Variants in SGCD observed in about 807,000 individuals in gnomAD.
The protein encoded by SGCD is delta-sarcoglycan.
In SGCD, 18 loss-of-function variants were observed where a neutral mutation model predicts 36.6. That is an observed-to-expected ratio of 0.49 (90% CI 0.34 to 0.73). The LOEUF is 0.73. Among genes scored for constraint, SGCD ranks in the 30% least tolerant of loss-of-function variants. SGCD has a pLI of 0.01. For missense variants in SGCD, 387 were observed against 346.7 expected (o/e 1.12, Z -0.92); for synonymous variants, 133 against 130.6 (o/e 1.02, Z -0.12).
At chr5:156,378,991 A>G (rs1770828491) in intron 3 of SGCD, among the ~76,000 whole-genome samples, 1 of 152,166 alleles carries the variant, frequency 6.6e-6, no homozygotes, top group South Asian at 2.1e-4. Context: ...CCATGTGCTA[A>G]ATGTTTGCAT....
chr5:155,981,215 C>T (rs1196226503), intron 1 of SGCD, among the ~76,000 whole-genome samples: 4 of 152,074 alleles, frequency 2.6e-5, no homozygotes, highest in African/African-American at 7.2e-5. Context: ...GGACAAAGCT[C>T]GTGGCTCAGT....
chr5:156,024,955 C>A (rs1426791047), intron 1 of SGCD, among the ~76,000 whole-genome samples: 2 of 119,584 alleles, frequency 1.7e-5, no homozygotes, highest in Admixed American at 1.6e-4. Context: ...GAGACTCCAT[C>A]TCAAAAAAAA....
At chr5:156,501,084 G>A (rs1756425853) in intron 3 of SGCD, among the ~76,000 whole-genome samples, 1 of 152,160 alleles carries the variant, frequency 6.6e-6, no homozygotes, top group Non-Finnish European at 1.5e-5. Flanking sequence ...GAGTGCTACA[G>A]CCATTTCCTT....
At position 156,081,395 on chromosome 5, in the gene SGCD, G is replaced by A. The variant is rs150270419; in HGVS notation, c.-281-36483G>A. ...GGTGTAGACATATATTCAAACCATA[G>A]CACTTTTTTTTTCTTTGAGACAGGG... On this transcript the variant is annotated intron_variant, in intron 1 of 9. Coordinates refer to the SGCD transcript ENST00000517913. Among the ~76,000 whole-genome samples, 24 of 152,144 alleles carry A rather than the reference G, an allele frequency of 1.6e-4. No homozygotes were observed. In the East Asian group the frequency reaches 4.5e-3, roughly 28 times the overall value.
chr5:156,190,090 T>C lies in SGCD; in HGVS notation c.-44+66071T>C, dbSNP rs566215469. Among the ~76,000 whole-genome samples the C allele has an allele frequency of 1.8e-4, 28 of 152,248 alleles. No individual in the cohort carries two copies. The South Asian group carries it at 4.4e-3, about 24-fold the overall frequency. ...TTGCATTCTGTTACCTAGAGTGGAA[T>C]TGGGTGTGTACAGCATTGCATGGGC... On this transcript the variant is annotated intron_variant, in intron 3 of 9. Transcript: ENST00000517913.
intron 3 of SGCD, among the ~76,000 whole-genome samples, chr5:156,352,861 A>G (rs1415812175): frequency 6.6e-6 from 1 of 152,176 alleles, no homozygotes; most frequent in Admixed American, 6.5e-5. Flanking sequence ...GATGGGTTGC[A>G]GGGAGTCTGG....
At chr5:156,146,810 G>A (rs980274266) in intron 3 of SGCD, among the ~76,000 whole-genome samples, 1 of 152,218 alleles carries the variant, frequency 6.6e-6, no homozygotes, top group East Asian at 1.9e-4. Flanking sequence ...GGAAGCCCAG[G>A]TAGGGAGGGT....
intron 1 of SGCD, among the ~76,000 whole-genome samples, chr5:155,923,965 A>T (rs1489834651): frequency 6.6e-6 from 1 of 152,164 alleles, no homozygotes; most frequent in Non-Finnish European, 1.5e-5. Context: ...TAGATGTAAA[A>T]TAGGTCCATA....
At position 156,766,102 on chromosome 5, in the gene SGCD, ACTC is replaced by A. The variant is rs1454973373; in HGVS notation, c.*6713_*6715del. 2.6e-5 allele frequency: 4 copies of A among 151,936 alleles called. No individual in the cohort carries two copies. Among genetic ancestry groups the A allele is most frequent in the African/African-American group, 9.7e-5 (4 of 41,370 alleles). 9.4% of individuals were successfully genotyped at this position (151,936 alleles called of 1,614,324 possible). On this transcript the variant is annotated 3_prime_UTR_variant, in exon 9 of 9. Transcript: ENST00000337851. ...CTCACATTTAGGAAAAAATTGTAAT[ACTC>A]AGTTATCTGTGTGTGTGGCTAAACA... is the stretch of plus-strand genomic sequence containing the variant.
At chr5:155,855,553 G>A in the SGCD span, among the ~76,000 whole-genome samples, 4 of 152,162 alleles carry the variant, frequency 2.6e-5, no homozygotes, top group Non-Finnish European at 5.9e-5. Flanking sequence ...GAACTTGCTT[G>A]ATATATCATT....
chr5:156,481,178 C>A (rs1251654624), intron 3 of SGCD, among the ~76,000 whole-genome samples: 3 of 152,202 alleles, frequency 2.0e-5, no homozygotes, highest in South Asian at 2.1e-4. Flanking sequence ...ATTATCTCAC[C>A]TAGAATATTG....
At chr5:156,638,513 G>A (rs1432435050) in intron 6 of SGCD, among the ~76,000 whole-genome samples, 1 of 152,140 alleles carries the variant, frequency 6.6e-6, no homozygotes, top group Non-Finnish European at 1.5e-5. Flanking sequence ...AGCCTTCTCA[G>A]CTTATCGCTG....
At chr5:155,931,923 C>T (rs1757104273) in intron 1 of SGCD, among the ~76,000 whole-genome samples, 1 of 152,140 alleles carries the variant, frequency 6.6e-6, no homozygotes, top group Non-Finnish European at 1.5e-5. Flanking sequence ...GATCAGGTTC[C>T]ACTTTCTGGT....
chr5:155,906,402 C>A (rs1241417453), intron 1 of SGCD, among the ~76,000 whole-genome samples: 1 of 152,020 alleles, frequency 6.6e-6, no homozygotes, highest in Non-Finnish European at 1.5e-5. Context: ...AAATGAAGCT[C>A]AATGAGGAAG....
At chr5:156,316,993 A>G (rs1043440420) in intron 3 of SGCD, among the ~76,000 whole-genome samples, 6 of 151,624 alleles carry the variant, frequency 4.0e-5, no homozygotes, top group African/African-American at 1.5e-4. Flanking sequence ...TTTGCTATCT[A>G]GAGTTACAAC....
intron 3 of SGCD, among the ~76,000 whole-genome samples, chr5:156,204,016 T>C (rs1234834611): frequency 6.6e-6 from 1 of 152,170 alleles, no homozygotes; most frequent in African/African-American, 2.4e-5. Flanking sequence ...ATCAAACTTA[T>C]ATTCCAGTGG....
At chr5:156,250,088 C>A (rs1000706338) in intron 3 of SGCD, among the ~76,000 whole-genome samples, 1 of 152,158 alleles carries the variant, frequency 6.6e-6, no homozygotes, top group African/African-American at 2.4e-5. Context: ...CTATAATGAG[C>A]GTTGAAACTT....
rs76867689 is a variant in SGCD at position 156,563,290 on chromosome 5, A to G, written c.295-25941A>G. ...AGACACCATGCCCAGCTGACAGACCATTATTAACACTCTTAAGTAGGCACT... is the reference window on the plus strand; with the variant it reads ...AGACACCATGCCCAGCTGACAGACCGTTATTAACACTCTTAAGTAGGCACT... On this transcript the variant is annotated intron_variant, in intron 4 of 8. Transcript: ENST00000337851. Among the ~76,000 whole-genome samples the G allele has an allele frequency of 4.3e-4, 66 of 152,216 alleles. 1 individual carries two copies. In the East Asian group the frequency reaches 0.012, roughly 28 times the overall value.
At chr5:156,677,506 A>G (rs1753559829) in intron 7 of SGCD, among the ~76,000 whole-genome samples, 1 of 150,726 alleles carries the variant, frequency 6.6e-6, no homozygotes, top group South Asian at 2.1e-4. Context: ...ACTTGGACAC[A>G]GGGTGGGGAA....
Sources: allele counts gnomAD v4.1 joint callset (sites outside exome capture counted in the v4.1 genomes callset), GRCh38; gene constraint gnomAD v4.1.1; transcripts MANE v1.5; gene names NCBI Gene and HGNC (gene_info 2026-07-23, HGNC 2026-07-21).